TTLL5: variants seen among roughly 807,000 people sequenced by gnomAD.
TTLL5 encodes tubulin tyrosine ligase like 5.
In TTLL5, 132 loss-of-function variants were observed where a neutral mutation model predicts 168.4. The ratio of observed to expected loss-of-function variants is 0.78; its 90% CI spans 0.68 to 0.91. The LOEUF (loss-of-function observed/expected upper bound fraction) is 0.91. TTLL5 is among the 40% of genes least tolerant of loss of function. The pLI, the probability that TTLL5 is intolerant of heterozygous loss-of-function variation, is 0.00. For missense variants in TTLL5, 1,545 were observed against 1,581.5 expected (o/e 0.98, Z 0.39); for synonymous variants, 546 against 558.6 (o/e 0.98, Z 0.32).
chr14:75,854,143 A>G (rs984248430), intron 28 of TTLL5, among the ~76,000 whole-genome samples: 5 of 152,194 alleles, frequency 3.3e-5, no homozygotes, highest in African/African-American at 4.8e-5. Context: ...AACACAACAT[A>G]CAGAACATTT....
At chr14:75,833,294 C>G (rs992788943) in intron 28 of TTLL5, among the ~76,000 whole-genome samples, 7 of 152,242 alleles carry the variant, frequency 4.6e-5, no homozygotes, top group African/African-American at 1.7e-4. Context: ...GGTACATCTT[C>G]ACCCTCCTGT....
chr14:75,710,118 T>G (rs1886961398), intron 9 of TTLL5: 1 of 151,836 alleles, frequency 6.6e-6, no homozygotes, highest in South Asian at 2.1e-4. Flanking sequence ...GAGATGGAGG[T>G]TGTGCTTCAC....
chr14:75,947,711 A>G (rs8015828), intron 31 of TTLL5, among the ~76,000 whole-genome samples: 120,285 of 152,052 alleles, frequency 0.79, 47,676 homozygotes, highest in Admixed American at 0.83. Context: ...TTGGGAGGCT[A>G]AGGCAGGAGT....
intron 9 of TTLL5, chr14:75,711,228 C>T (rs538170373): frequency 6.6e-6 from 1 of 152,270 alleles, no homozygotes; most frequent in East Asian, 1.9e-4. Flanking sequence ...TATTTGGGTG[C>T]AGCTTTTTGT....
At chr14:75,755,783 G>C (rs1890220486) in intron 18 of TTLL5, among the ~76,000 whole-genome samples, 1 of 152,068 alleles carries the variant, frequency 6.6e-6, no homozygotes, top group East Asian at 1.9e-4. Flanking sequence ...CCTTCTTGCA[G>C]ATCCAATTAA....
intron 21 of TTLL5, 51 bp from the exon 22 acceptor site, chr14:75,775,433 G>C (rs1300528726): frequency 6.2e-7 from 1 of 1,601,790 alleles, no homozygotes; most frequent in Admixed American, 1.7e-5. Context: ...GTCTTCTGTT[G>C]CTTAGCACCA....
intron 31 of TTLL5, among the ~76,000 whole-genome samples, chr14:75,924,289 G>GT (rs753773184): frequency 0.015 from 2,101 of 143,124 alleles, 35 homozygotes; most frequent in African/African-American, 0.03. Flanking sequence ...TATTTTGCCT[G>GT]TTTTTTTTTT....
chr14:75,674,739 G>A (rs753297983), intron 3 of TTLL5, among the ~76,000 whole-genome samples: 4 of 151,988 alleles, frequency 2.6e-5, no homozygotes, highest in Non-Finnish European at 2.9e-5. Flanking sequence ...TAGTAAGTTT[G>A]TATTTGTATA....
intron 20 of TTLL5, among the ~76,000 whole-genome samples, chr14:75,768,005 TGTA>T (rs1891063451): frequency 6.6e-6 from 1 of 152,190 alleles, no homozygotes; most frequent in African/African-American, 2.4e-5. Context: ...TGATTTAAGA[TGTA>T]GTAAGGAAGA....
chr14:75,913,563 A>G (rs902244934), intron 31 of TTLL5, among the ~76,000 whole-genome samples: 15 of 152,342 alleles, frequency 9.8e-5, no homozygotes, highest in Non-Finnish European at 1.9e-4. Flanking sequence ...AGAAATCCCA[A>G]TTCAGAAAAG....
intron 31 of TTLL5, among the ~76,000 whole-genome samples, chr14:75,950,863 G>A (rs1354626023): frequency 6.6e-6 from 1 of 152,054 alleles, no homozygotes; most frequent in African/African-American, 2.4e-5. Flanking sequence ...AGCTACTCAG[G>A]AGACTGAGGT....
chr14:75,893,023 A>G (rs972895687), intron 30 of TTLL5, among the ~76,000 whole-genome samples: 2 of 152,210 alleles, frequency 1.3e-5, no homozygotes, highest in African/African-American at 4.8e-5. Flanking sequence ...TCCAAAACAC[A>G]TGAAAAAATC....
intron 2 of TTLL5, among the ~76,000 whole-genome samples, chr14:75,667,798 G>T (rs1883398230): frequency 8.4e-6 from 1 of 118,550 alleles, no homozygotes; most frequent in Non-Finnish European, 1.6e-5. Flanking sequence ...GTCTTGCTCT[G>T]TTGCCAGGCT....
intron 28 of TTLL5, chr14:75,839,193 G>T (rs1896069484): frequency 6.6e-6 from 1 of 152,340 alleles, no homozygotes; most frequent in Admixed American, 6.5e-5. Flanking sequence ...CACACCTGCG[G>T]TCTAGACCCT....
Position 75,663,121 on chromosome 14 carries a change from T to G in TTLL5, c.-29T>G, listed in dbSNP as rs371742414. On this transcript the variant is annotated 5_prime_UTR_variant, in exon 2 of 32. Coordinates refer to ENST00000298832, the MANE Select transcript of TTLL5 (RefSeq NM_015072.5). Reference sequence around the variant, plus strand: ...AGGAAAGGTCTCTGAGGCCCCCGTCTGCTGACTGCATGACAAACCCTAAAG... The same window carrying G: ...AGGAAAGGTCTCTGAGGCCCCCGTCGGCTGACTGCATGACAAACCCTAAAG... 8.1e-6 allele frequency: 13 copies of G among 1,610,168 alleles called. No homozygotes were observed. Among genetic ancestry groups the G allele is most frequent in the Non-Finnish European group, 1.1e-5 (13 of 1,177,686 alleles).
At position 75,919,148 on chromosome 14, in the gene TTLL5, C is replaced by T. The variant is rs182155482; in HGVS notation, c.3823+16924C>T. On this transcript the variant is annotated intron_variant, in intron 31 of 31. Coordinates refer to ENST00000298832, the MANE Select transcript of TTLL5 (RefSeq NM_015072.5). ...CCAGGGAGTCAGAGGTTGCAGTGAGCTGAGATCACGCCACTGCACTCCAGC... is the reference window on the plus strand; with the variant it reads ...CCAGGGAGTCAGAGGTTGCAGTGAGTTGAGATCACGCCACTGCACTCCAGC... Among the ~76,000 whole-genome samples, 1,163 of 121,296 alleles carry T rather than the reference C, an allele frequency of 9.6e-3. 8 individuals carry two copies. The highest frequency in any genetic ancestry group is 0.01 in the Non-Finnish European group (654 of 63,304). 79.6% of individuals were successfully genotyped at this position (121,296 alleles called of 152,430 possible). A position where few individuals can be genotyped will look rare whatever the true frequency, so the allele number is the denominator to read the frequency against.
chr14:75,892,624 T>C (rs936402487), intron 30 of TTLL5, among the ~76,000 whole-genome samples: 3 of 152,164 alleles, frequency 2.0e-5, no homozygotes, highest in Non-Finnish European at 4.4e-5. Flanking sequence ...GAACAGTCCC[T>C]CACTACAAAG....
intron 30 of TTLL5, among the ~76,000 whole-genome samples, chr14:75,893,051 G>T (rs1302680864): frequency 1.3e-5 from 2 of 152,116 alleles, no homozygotes; most frequent in Non-Finnish European, 2.9e-5. Flanking sequence ...AAGAAAGATT[G>T]CCAGGAAAAT....
At chr14:75,886,741 T>A (rs757457291) in intron 30 of TTLL5, 1 of 1,597,976 alleles carries the variant, frequency 6.3e-7, no homozygotes, top group Non-Finnish European at 8.5e-7. Flanking sequence ...TTGTGGTATT[T>A]CTTCCAAGCA....
Sources: gnomAD v4.1 joint callset for allele counts (sites outside exome capture counted in the v4.1 genomes callset) on GRCh38, gnomAD v4.1.1 for gene constraint, MANE v1.5 for transcripts, NCBI Gene and HGNC (gene_info 2026-07-23, HGNC 2026-07-21) for gene names.